The following ALPK1 variants were observed in gnomAD, a reference collection of about 807,000 sequenced individuals.
ALPK1 encodes the protein alpha-protein kinase 1.
A neutral mutation model predicts 120.6 loss-of-function variants in ALPK1; 110 were observed. That is an observed-to-expected ratio of 0.91 (90% CI 0.78 to 1.07). The LOEUF (loss-of-function observed/expected upper bound fraction) is 1.07. Ranked by LOEUF, ALPK1 falls within the 50% of genes least tolerant of loss-of-function variation. ALPK1 has a pLI of 0.00. For missense variants in ALPK1, 1,498 were observed against 1,483.9 expected (o/e 1.01, Z -0.16); for synonymous variants, 582 against 560.3 (o/e 1.04, Z -0.55).
At chr4:112,337,729 GA>G (rs907659896) in intron 2 of ALPK1, among the ~76,000 whole-genome samples, 1 of 151,818 alleles carries the variant, frequency 6.6e-6, no homozygotes, top group African/African-American at 2.4e-5. Flanking sequence ...GGAAAGGAAA[GA>G]AAGAAATTTC....
At position 112,435,321 on chromosome 4, in the gene ALPK1, GT is replaced by G; in HGVS notation, c.3188+21del. 6.2e-7 allele frequency: 1 copy of G among 1,600,626 alleles called. No homozygotes were observed. The highest frequency in any genetic ancestry group is 1.1e-5 in the South Asian group (1 of 89,402). On this transcript the variant is annotated intron_variant, in intron 12 of 15. Coordinates refer to ENST00000650871, the MANE Select transcript of ALPK1 (RefSeq NM_025144.4). ...GGGGAGGTATTACTTAAAAACATTT[GT>G]ATAACTAATGTAAGATGAGCTAACC...
At chr4:112,321,039 G>A (rs1728846852) in intron 2 of ALPK1, among the ~76,000 whole-genome samples, 1 of 151,690 alleles carries the variant, frequency 6.6e-6, no homozygotes, top group Non-Finnish European at 1.5e-5. Flanking sequence ...TGGGACTACA[G>A]GCGCCTGCCA....
At chr4:112,360,761 C>T (rs1730877960) in intron 2 of ALPK1, among the ~76,000 whole-genome samples, 2 of 152,290 alleles carry the variant, frequency 1.3e-5, no homozygotes. Flanking sequence ...TCTCCCCCAG[C>T]ATATGAAAGA....
At chr4:112,390,789 G>T (rs561121391) in intron 4 of ALPK1, among the ~76,000 whole-genome samples, 12 of 152,292 alleles carry the variant, frequency 7.9e-5, no homozygotes, top group African/African-American at 2.9e-4. Flanking sequence ...AGGCATTTAA[G>T]TAAATGCCTT....
intron 2 of ALPK1, chr4:112,357,029 G>T: frequency 1.2e-6 from 1 of 810,468 alleles, no homozygotes. Flanking sequence ...GGAGTTCAGC[G>T]CGGACCCCAC....
intron 2 of ALPK1, among the ~76,000 whole-genome samples, chr4:112,331,969 A>C (rs1406684585): frequency 6.6e-6 from 1 of 152,166 alleles, no homozygotes; most frequent in Admixed American, 6.5e-5. Context: ...ACCAAATAAC[A>C]ACCACTAAGT....
intron 2 of ALPK1, chr4:112,357,737 C>G: frequency 7.2e-7 from 1 of 1,381,092 alleles, no homozygotes; most frequent in Non-Finnish European, 1.0e-6. Context: ...TGCTTGTCCT[C>G]TTTGGGGAAG....
intron 1 of ALPK1, among the ~76,000 whole-genome samples, chr4:112,311,858 G>C (rs1054665090): frequency 6.6e-6 from 1 of 152,208 alleles, no homozygotes; most frequent in African/African-American, 2.4e-5. Flanking sequence ...TGGTGAGGAT[G>C]TCCAGCTTTA....
intron 11 of ALPK1, among the ~76,000 whole-genome samples, chr4:112,434,572 T>C (rs1186236386): frequency 6.6e-6 from 1 of 152,274 alleles, no homozygotes; most frequent in Admixed American, 6.5e-5. Flanking sequence ...AGGTGGAGAC[T>C]GCCCCTACTT....
chr4:112,439,734 A>G lies in ALPK1; in HGVS notation c.3400A>G (p.Ile1134Val), dbSNP rs202180424. 7.4e-6 allele frequency: 12 copies of G among 1,613,374 alleles called. No individual in the cohort carries two copies. The highest frequency in any genetic ancestry group is 1.1e-5 in the South Asian group (1 of 91,022). Residue 1134 changes from isoleucine (I) to valine (V), a missense_variant, in exon 14 of 16, where the codon ATA becomes GTA. Transcript: ENST00000650871. ...GGGATGTATCAGTGTGGAGCCTTAC[A>G]TACTGGGAGAATTTGTAAAATTGTC... Reference protein sequence around the residue: ...IKGCISVEPYILGEFVKLSNN... With the variant: ...IKGCISVEPYVLGEFVKLSNN...
At chr4:112,426,646 C>G (rs1734249938) in intron 8 of ALPK1, 103 bp downstream of exon 8, 2 of 1,016,278 alleles carry the variant, frequency 2.0e-6, no homozygotes, top group Non-Finnish European at 2.8e-6. Flanking sequence ...TTCATCTGTC[C>G]TATTTTTATT....
chr4:112,354,291 G>A (rs1248839511), intron 2 of ALPK1, among the ~76,000 whole-genome samples: 2 of 151,058 alleles, frequency 1.3e-5, no homozygotes, highest in Non-Finnish European at 3.0e-5. Flanking sequence ...TTCTCCGTTA[G>A]ATATTCTCTT....
chr4:112,298,205 G>A (rs1158173644), intron 1 of ALPK1, among the ~76,000 whole-genome samples: 1 of 152,100 alleles, frequency 6.6e-6, no homozygotes, highest in Non-Finnish European at 1.5e-5. Context: ...TCAGGAAGGA[G>A]AGGACTTTAT....
intron 4 of ALPK1, among the ~76,000 whole-genome samples, chr4:112,401,791 C>T (rs759060747): frequency 5.3e-5 from 8 of 152,098 alleles, no homozygotes; most frequent in Non-Finnish European, 7.3e-5. Context: ...TGAGTAAGGG[C>T]GAGATAATCC....
chr4:112,432,742 C>G (rs1371478817), intron 11 of ALPK1, among the ~76,000 whole-genome samples, 161 bp downstream of exon 11: 1 of 152,174 alleles, frequency 6.6e-6, no homozygotes, highest in Non-Finnish European at 1.5e-5. Flanking sequence ...GTCTCCCTCA[C>G]TCTGTGCGAT....
intron 9 of ALPK1, 54 bp from the exon 10 acceptor site, chr4:112,429,095 T>C: frequency 6.7e-7 from 1 of 1,482,672 alleles, no homozygotes; most frequent in South Asian, 1.1e-5. Context: ...GCCTGTTTTT[T>C]GCTCATCGAT....
rs763792725 is a variant in ALPK1 at position 112,429,195 on chromosome 4, C to G, written c.842C>G (p.Ala281Gly). ...CACCATTTGCTGTCCGCTGCAGAAG[C>G]CTGCAAGCTGGCAGCTGCCTTCAGT... ...FDHHLLSAAE[A>G]CKLAAAFSAY... is the part of the protein sequence containing the mutation. Residue 281 changes from alanine to glycine, a missense_variant, in exon 10 of 16, where the codon GCC becomes GGC. Transcript: ENST00000650871. 58 of 1,613,346 alleles carry G rather than the reference C, an allele frequency of 3.6e-5. No individual in the cohort carries two copies. The highest frequency in any genetic ancestry group is 4.7e-5 in the Non-Finnish European group (55 of 1,179,976).
intron 5 of ALPK1, among the ~76,000 whole-genome samples, chr4:112,413,711 G>T (rs569723360): frequency 2.6e-5 from 4 of 152,196 alleles, no homozygotes; most frequent in African/African-American, 9.7e-5. Context: ...AAGCTGCCAT[G>T]CCTGACCCGG....
In ALPK1 at chr4:112,426,506, T is replaced by C. The variant is rs760004616; in HGVS notation, c.662T>C (p.Ile221Thr). 6.3e-7 allele frequency: 1 copy of C among 1,594,170 alleles called. No homozygotes were observed. The highest frequency in any genetic ancestry group is 8.5e-7 in the Non-Finnish European group (1 of 1,172,730). The change falls in exon 8 of 16, where the codon ATT becomes ACT. Residue 221 changes from isoleucine (I) to threonine (T), a missense_variant. By Grantham distance (89) the Ile-to-Thr change is moderately conservative. Coordinates refer to ENST00000650871, the MANE Select transcript of ALPK1 (RefSeq NM_025144.4). The part of the protein sequence containing the change: ...YEAAELIWAS[I>T]VGYLALPQPD... The stretch of plus-strand genomic sequence containing the variant: ...GCAGCAGAGTTAATATGGGCCTCCA[T>C]TGTAGGATATTTGGCACTTCCTCAG...
Sources: allele counts gnomAD v4.1 joint callset (sites outside exome capture counted in the v4.1 genomes callset), GRCh38; gene constraint gnomAD v4.1.1; transcripts MANE v1.5; gene names NCBI Gene and HGNC (gene_info 2026-07-23, HGNC 2026-07-21).